SLC1A2: variants seen among roughly 807,000 people sequenced by gnomAD.
The protein encoded by SLC1A2 is solute carrier family 1 member 2, also known as excitatory amino acid transporter 2.
SLC1A2 carries 15 observed loss-of-function variants against 48.8 expected under a neutral mutation model. The ratio of observed to expected loss-of-function variants is 0.31; its 90% confidence interval spans 0.21 to 0.47. SLC1A2 has a LOEUF of 0.47. Ranked by LOEUF, SLC1A2 falls within the 20% of genes least tolerant of loss-of-function variation. The pLI is 0.99. For missense variants in SLC1A2, 502 were observed against 730.5 expected, an observed-to-expected ratio of 0.69 and a Z score of 3.61; for synonymous variants, 279 against 272.6, an observed-to-expected ratio of 1.02 and a Z score of -0.23.
intron 7 of SLC1A2, among the ~76,000 whole-genome samples, chr11:35,290,435 AT>A (rs1554995607): frequency 6.6e-6 from 1 of 152,120 alleles, no homozygotes; most frequent in Non-Finnish European, 1.5e-5. Flanking sequence ...CAGTAAAAAA[AT>A]AACTATTTAT....
intron 1 of SLC1A2, among the ~76,000 whole-genome samples, chr11:35,372,506 G>A (rs1287151913): frequency 2.0e-5 from 3 of 152,184 alleles, no homozygotes; most frequent in African/African-American, 7.2e-5. Flanking sequence ...CAGTTTCACA[G>A]GTGATTATTG....
rs932831703 is a variant in SLC1A2 at position 35,317,494 on chromosome 11, C to T, written c.40G>A (p.Val14Met). The T allele has an allele frequency of 3.1e-6, 5 of 1,613,844 alleles. No homozygotes were observed. In the African/African-American group the frequency reaches 5.3e-5, roughly 17 times the overall value. The change falls in exon 2 of 11, where the codon GTG (valine) becomes ATG (methionine). Residue 14 changes from valine (V) to methionine (M), a missense_variant. Around this residue, in one of 4 missense-constraint regions of SLC1A2, gnomAD observed 89 missense variants for 119.7 expected, o/e 0.74. Transcript: ENST00000278379. ...TGACTGTCGTGCATTCGCACTTCCA[C>T]CTGCTTGGGCATATTGTTGGCACTG... is the stretch of plus-strand genomic sequence containing the variant. ...TEGANNMPKQ[V>M]EVRMHDSHLG...
intron 1 of SLC1A2, among the ~76,000 whole-genome samples, chr11:35,399,126 C>A (rs775800967): frequency 3.9e-5 from 6 of 152,176 alleles, no homozygotes; most frequent in Non-Finnish European, 8.8e-5. Flanking sequence ...TCTGTTCCTA[C>A]CAGTCTGGAA....
At chr11:35,370,571 G>T (rs1009908717) in intron 1 of SLC1A2, among the ~76,000 whole-genome samples, 1 of 152,152 alleles carries the variant, frequency 6.6e-6, no homozygotes, top group Non-Finnish European at 1.5e-5. Flanking sequence ...GGTACATATG[G>T]GTTGGAGGAG....
At chr11:35,368,121 T>C (rs569532453) in intron 1 of SLC1A2, among the ~76,000 whole-genome samples, 1 of 152,316 alleles carries the variant, frequency 6.6e-6, no homozygotes, top group African/African-American at 2.4e-5. Context: ...TCTCACCCCA[T>C]GATAGGACAT....
chr11:35,267,250 T>C (rs1180821294), intron 9 of SLC1A2, among the ~76,000 whole-genome samples: 1 of 152,212 alleles, frequency 6.6e-6, no homozygotes, highest in African/African-American at 2.4e-5. Flanking sequence ...AGAGGCAGCC[T>C]GATTTGGATT....
chr11:35,311,321 G>A (rs778497260), intron 4 of SLC1A2, among the ~76,000 whole-genome samples: 4 of 151,848 alleles, frequency 2.6e-5, no homozygotes, highest in Admixed American at 2.6e-4. Context: ...CACCACACCC[G>A]GCTAATTTTT....
chr11:35,378,056 C>A (rs117011467), intron 1 of SLC1A2, among the ~76,000 whole-genome samples: 1 of 152,202 alleles, frequency 6.6e-6, no homozygotes, highest in South Asian at 2.1e-4. Flanking sequence ...CCATACAGAA[C>A]CACACAAGCT....
At position 35,257,614 on chromosome 11, in the gene SLC1A2, G is replaced by A. The variant is rs1181083428; in HGVS notation, c.*3280C>T. On this transcript the variant is annotated 3_prime_UTR_variant, in exon 11 of 11. Transcript: ENST00000278379. ...TCTAAGGTAAAGTATTACCTTGAAA[G>A]ATAAGCTATTCTTCTCACTGATTGG... is the stretch of plus-strand genomic sequence containing the variant. 1 of 152,158 alleles carries A rather than the reference G, an allele frequency of 6.6e-6. No homozygotes were observed. Among genetic ancestry groups the A allele is most frequent in the East Asian group, 1.9e-4 (1 of 5,200 alleles). The allele number at this position is 152,158 out of a possible 1,614,324, so 9.4% of individuals were successfully genotyped here. A position where few individuals can be genotyped will look rare whatever the true frequency, so the allele number is the denominator to read the frequency against.
intron 1 of SLC1A2, among the ~76,000 whole-genome samples, chr11:35,416,891 C>G (rs1265085177): frequency 6.6e-6 from 1 of 152,192 alleles, no homozygotes; most frequent in East Asian, 1.9e-4. Flanking sequence ...CTGGATGGAG[C>G]TAGACTTCTA....
chr11:35,283,081 T>C (rs2075652334), intron 8 of SLC1A2, among the ~76,000 whole-genome samples: 1 of 150,720 alleles, frequency 6.6e-6, no homozygotes, highest in Non-Finnish European at 1.5e-5. Flanking sequence ...TGGTAACACC[T>C]GCTTTCACCG....
intron 1 of SLC1A2, among the ~76,000 whole-genome samples, chr11:35,396,376 G>T (rs1166748941): frequency 7.2e-4 from 94 of 130,220 alleles, no homozygotes; most frequent in East Asian, 1.7e-3. Flanking sequence ...ATTCTAACTG[G>T]TGTGAGATGG....
At chr11:35,361,756 T>C (rs1853687903) in intron 1 of SLC1A2, among the ~76,000 whole-genome samples, 1 of 152,078 alleles carries the variant, frequency 6.6e-6, no homozygotes, top group Non-Finnish European at 1.5e-5. Flanking sequence ...GCAGGAGGAC[T>C]CCTTGAGCCT....
intron 1 of SLC1A2, among the ~76,000 whole-genome samples, chr11:35,342,384 G>A (rs1852867939): frequency 6.6e-6 from 1 of 152,280 alleles, no homozygotes; most frequent in South Asian, 2.1e-4. Context: ...AAGCTCACCC[G>A]ATGCAGATAC....
chr11:35,409,007 G>A (rs1855382557), intron 1 of SLC1A2, among the ~76,000 whole-genome samples: 1 of 152,190 alleles, frequency 6.6e-6, no homozygotes, highest in African/African-American at 2.4e-5. Context: ...TTAATTTGTT[G>A]TGCTGATAAA....
intron 8 of SLC1A2, chr11:35,285,614 C>G (rs548302367): frequency 6.6e-6 from 1 of 152,314 alleles, no homozygotes; most frequent in African/African-American, 2.4e-5. Flanking sequence ...ATTGTTGAGT[C>G]CAAGATTGAC....
intron 9 of SLC1A2, among the ~76,000 whole-genome samples, chr11:35,267,749 C>A (rs976234468): frequency 8.7e-5 from 13 of 149,452 alleles, no homozygotes; most frequent in African/African-American, 3.0e-4. Context: ...AAATCTCCAG[C>A]CCCCAATTTA....
Position 35,260,589 on chromosome 11 carries a change from A to G in SLC1A2, c.*305T>C. The G allele has an allele frequency of 2.8e-6, 1 of 353,506 alleles. No individual in the cohort carries two copies. 21.9% of individuals were successfully genotyped at this position (353,506 alleles called of 1,614,324 possible). A position where few individuals can be genotyped will look rare whatever the true frequency, so the allele number is the denominator to read the frequency against. Reference sequence around the variant, plus strand: ...GGGAAAAGAGCATCCACATTTCTGCATCTTGGGAGAAAAGGGAAGCTGGCA... The same window carrying G: ...GGGAAAAGAGCATCCACATTTCTGCGTCTTGGGAGAAAAGGGAAGCTGGCA... On this transcript the variant is annotated 3_prime_UTR_variant, in exon 11 of 11. Transcript: ENST00000278379.
chr11:35,415,986 G>A (rs571415446), intron 1 of SLC1A2, among the ~76,000 whole-genome samples: 18 of 152,252 alleles, frequency 1.2e-4, no homozygotes, highest in South Asian at 2.1e-4. Context: ...AGCCATCTCC[G>A]TAATTCTAGC....
Sources: gnomAD v4.1 joint callset for allele counts (sites outside exome capture counted in the v4.1 genomes callset) on GRCh38, gnomAD v4.1.1 for gene constraint, gnomAD v4.1.1 regional missense constraint, MANE v1.5 for transcripts, NCBI Gene and HGNC (gene_info 2026-07-23, HGNC 2026-07-21) for gene names.